The following SLC8A1 variants were observed in gnomAD, a reference collection of about 807,000 sequenced individuals.
The protein encoded by SLC8A1 is solute carrier family 8 member A1.
SLC8A1 carries 18 observed loss-of-function variants against 68.3 expected under a neutral mutation model. The ratio of observed to expected loss-of-function variants is 0.26; its 90% CI spans 0.18 to 0.39. The LOEUF (loss-of-function observed/expected upper bound fraction) is 0.39. Ranked by LOEUF, SLC8A1 falls within the 10% of genes least tolerant of loss-of-function variation. The pLI, the probability that SLC8A1 is intolerant of heterozygous loss-of-function variation, is 1.00. For missense variants in SLC8A1, 985 were observed against 1,156.7 expected (o/e 0.85, Z 2.15); for synonymous variants, 475 against 415.5 (o/e 1.14, Z -1.74).
At chr2:40,373,693 C>G (rs13410483) in intron 2 of SLC8A1, among the ~76,000 whole-genome samples, 2 of 151,892 alleles carry the variant, frequency 1.3e-5, no homozygotes, top group African/African-American at 2.4e-5. Context: ...CAGTTGGATC[C>G]GAGGCTCAGA....
chr2:40,416,054 TAAAA>T (rs779668065), intron 2 of SLC8A1, among the ~76,000 whole-genome samples: 1 of 116,248 alleles, frequency 8.6e-6, no homozygotes. Flanking sequence ...GGCTCTGTTT[TAAAA>T]AAAAAAAAAA....
rs537587178 is a variant in SLC8A1, at chr2:40,432,377, A to G, written c.-24-2073T>C. Among the ~76,000 whole-genome samples the G allele has an allele frequency of 7.8e-5, 11 of 140,494 alleles. No homozygotes were observed. In the East Asian group the frequency reaches 1.8e-3, roughly 23 times the overall value. 92.2% of individuals were successfully genotyped at this position (140,494 alleles called of 152,430 possible). A position where few individuals can be genotyped will look rare whatever the true frequency, so the allele number is the denominator to read the frequency against. ...GGTACATGTGTGTGCAGAACAATCT[A>G]TAGAGGACAAGGAGAGTGTGAGATT... On this transcript the variant is annotated intron_variant, in intron 1 of 7. Transcript: ENST00000406785.
chr2:40,373,598 A>G (rs1360034834), intron 2 of SLC8A1, among the ~76,000 whole-genome samples: 1 of 152,054 alleles, frequency 6.6e-6, no homozygotes, highest in Non-Finnish European at 1.5e-5. Flanking sequence ...CCTGCCGAAC[A>G]ATCCAGTGGA....
At chr2:40,148,463 G>A (rs751543082) in intron 6 of SLC8A1, among the ~76,000 whole-genome samples, 6 of 152,178 alleles carry the variant, frequency 3.9e-5, no homozygotes, top group Non-Finnish European at 7.3e-5. Flanking sequence ...GAAAGTTGAC[G>A]TTTGAGCAAA....
chr2:40,340,195 A>C (rs1487243663), intron 2 of SLC8A1, among the ~76,000 whole-genome samples: 2 of 152,324 alleles, frequency 1.3e-5, no homozygotes. Context: ...GGAACCTCTG[A>C]AAACTATAAG....
At chr2:40,218,406 G>C (rs940860582) in intron 2 of SLC8A1, among the ~76,000 whole-genome samples, 1 of 152,128 alleles carries the variant, frequency 6.6e-6, no homozygotes, top group African/African-American at 2.4e-5. Context: ...CAAAAAATTT[G>C]ATATGACCAA....
chr2:40,457,127 A>T (rs1703068630), intron 1 of SLC8A1, among the ~76,000 whole-genome samples: 1 of 152,188 alleles, frequency 6.6e-6, no homozygotes, highest in South Asian at 2.1e-4. Context: ...CTACAACTAA[A>T]ATTTTGATTG....
chr2:40,319,892 A>G (rs1257054382), intron 2 of SLC8A1, among the ~76,000 whole-genome samples: 1 of 152,118 alleles, frequency 6.6e-6, no homozygotes, highest in Non-Finnish European at 1.5e-5. Flanking sequence ...AGAGCTTACC[A>G]ATGTCGTTAT....
In SLC8A1 at chr2:40,346,047, T is replaced by TAAA. The variant is rs774555210; in HGVS notation, c.1808+82423_1808+82425dup. 6.9e-3 allele frequency among the ~76,000 whole-genome samples: 287 copies of TAAA among 41,712 alleles called. 6 individuals carry two copies. Among genetic ancestry groups the TAAA allele is most frequent in the Middle Eastern group, 0.015 (1 of 66 alleles). 27.4% of individuals were successfully genotyped at this position (41,712 alleles called of 152,430 possible). On this transcript the variant is annotated intron_variant, in intron 2 of 7. Transcript: ENST00000406785. ...TAAACACACTCATCAACATTAACAG[T>TAAA]AAAAAAAAAAAAAAAAAAAAAAAAA...
At chr2:40,344,991 TTTTG>T (rs1247506826) in intron 2 of SLC8A1, among the ~76,000 whole-genome samples, 5 of 150,066 alleles carry the variant, frequency 3.3e-5, no homozygotes, top group African/African-American at 9.9e-5. Flanking sequence ...ATCTTCCGTA[TTTTG>T]TTTGTCTGTT....
intron 7 of SLC8A1, among the ~76,000 whole-genome samples, chr2:40,118,101 T>C (rs2035892359): frequency 6.6e-6 from 1 of 152,214 alleles, no homozygotes; most frequent in East Asian, 1.9e-4. Context: ...GCAACGTGTG[T>C]ATTCTCATTC....
chr2:40,221,813 A>C (rs2058365317), intron 2 of SLC8A1, among the ~76,000 whole-genome samples: 1 of 152,198 alleles, frequency 6.6e-6, no homozygotes, highest in Non-Finnish European at 1.5e-5. Context: ...AATACAGCTT[A>C]CAAGGGATGT....
At chr2:40,386,183 A>G (rs960475637) in intron 2 of SLC8A1, among the ~76,000 whole-genome samples, 1 of 151,512 alleles carries the variant, frequency 6.6e-6, no homozygotes. Context: ...CAAAAACAAA[A>G]AGGACTGTTA....
chr2:40,199,832 C>G (rs1321109455), intron 2 of SLC8A1, among the ~76,000 whole-genome samples: 2 of 151,318 alleles, frequency 1.3e-5, no homozygotes, highest in Non-Finnish European at 3.0e-5. Context: ...AACAGGGGAA[C>G]CAGGAAAGAA....
chr2:40,236,019 A>G (rs954804876), intron 2 of SLC8A1, among the ~76,000 whole-genome samples: 4 of 151,874 alleles, frequency 2.6e-5, no homozygotes, highest in Admixed American at 2.0e-4. Context: ...TTTACTTCCA[A>G]GTATGTGGTC....
chr2:40,124,069 A>G (rs1045521389), intron 7 of SLC8A1, among the ~76,000 whole-genome samples: 7 of 152,154 alleles, frequency 4.6e-5, no homozygotes, highest in African/African-American at 7.2e-5. Context: ...CTTCTCTCCT[A>G]TTTTAGAGAT....
At chr2:40,486,879 C>T (rs976219891) in intron 1 of SLC8A1, among the ~76,000 whole-genome samples, 9 of 102,746 alleles carry the variant, frequency 8.8e-5, no homozygotes, top group Non-Finnish European at 3.6e-5. Flanking sequence ...CCCCTCCCCC[C>T]ACCCCTTTGT....
intron 2 of SLC8A1, among the ~76,000 whole-genome samples, chr2:40,402,864 T>C (rs1689157155): frequency 6.6e-6 from 1 of 152,228 alleles, no homozygotes; most frequent in African/African-American, 2.4e-5. Flanking sequence ...CTCAGTAAAC[T>C]GTCTCTCTCA....
chr2:40,326,195 G>C (rs754404348), intron 2 of SLC8A1, among the ~76,000 whole-genome samples: 2 of 152,110 alleles, frequency 1.3e-5, no homozygotes, highest in Non-Finnish European at 2.9e-5. Flanking sequence ...GCTAGGGACC[G>C]CAGCGTGGAA....
Sources: gnomAD v4.1 joint callset for allele counts (sites outside exome capture counted in the v4.1 genomes callset) on GRCh38, gnomAD v4.1.1 for gene constraint, MANE v1.5 for transcripts, NCBI Gene and HGNC (gene_info 2026-07-23, HGNC 2026-07-21) for gene names.